The following GRAMD4 variants were observed in gnomAD, a reference collection of about 807,000 sequenced individuals.
GRAMD4 encodes GRAM domain-containing protein 4.
GRAMD4 carries 25 observed loss-of-function variants against 83.9 expected under a neutral mutation model. The observed-to-expected ratio is 0.30, with a 90% CI of 0.22 to 0.42. GRAMD4 has a LOEUF of 0.42. Among genes scored for constraint, GRAMD4 ranks in the 10% least tolerant of loss-of-function variants. The pLI is 1.00. For missense variants in GRAMD4, 593 were observed against 788.7 expected (o/e 0.75, Z 2.97); for synonymous variants, 336 against 320.9 (o/e 1.05, Z -0.50).
intron 1 of GRAMD4, among the ~76,000 whole-genome samples, chr22:46,577,964 C>T (rs1401802001): frequency 6.6e-6 from 1 of 152,200 alleles, no homozygotes; most frequent in Admixed American, 6.5e-5. Flanking sequence ...CTGCCAGGTC[C>T]TGGACAAGGG....
chr22:46,669,946 C>T (rs1356188676), intron 13 of GRAMD4, among the ~76,000 whole-genome samples: 3 of 152,212 alleles, frequency 2.0e-5, no homozygotes, highest in Non-Finnish European at 2.9e-5. Context: ...TAACAACGAT[C>T]CAGTGTCTGA....
intron 1 of GRAMD4, among the ~76,000 whole-genome samples, chr22:46,601,573 G>C (rs1175261345): frequency 6.6e-6 from 1 of 152,110 alleles, no homozygotes; most frequent in African/African-American, 2.4e-5. Context: ...AAGGCGGGGG[G>C]ATTACCTGAG....
chr22:46,589,091 G>T (rs2081180704), intron 1 of GRAMD4, among the ~76,000 whole-genome samples: 1 of 152,060 alleles, frequency 6.6e-6, no homozygotes, highest in African/African-American at 2.4e-5. Context: ...GCAGGGGGCG[G>T]GGGGACCTGG....
Position 46,673,678 on chromosome 22 carries a change from G to A in GRAMD4, c.1248G>A (p.Thr416=), listed in dbSNP as rs761389681. ...SSAAVSRRLQ[T]TSSRSYVPSA... ...CTGTTTGCCGTTGGCAGCTGCAGAC[G>A]ACCTCGTCACGGAGCTACGTACCCA... Residue 416 remains threonine, a synonymous_variant, in exon 15 of 19, where the codon ACG becomes ACA. Transcript: ENST00000406902. The A allele has an allele frequency of 2.1e-5, 34 of 1,611,220 alleles. No individual in the cohort carries two copies. The highest frequency in any genetic ancestry group is 4.0e-5 in the African/African-American group (3 of 75,028).
intron 1 of GRAMD4, among the ~76,000 whole-genome samples, chr22:46,591,592 T>G (rs1239757386): frequency 6.6e-6 from 1 of 151,888 alleles, no homozygotes; most frequent in African/African-American, 2.4e-5. Context: ...CCCAGCACTT[T>G]GGGAGGCTGA....
At chr22:46,667,827 C>A (rs898371227) in intron 10 of GRAMD4, among the ~76,000 whole-genome samples, 2 of 152,244 alleles carry the variant, frequency 1.3e-5, no homozygotes, top group African/African-American at 4.8e-5. Context: ...TGAAGGTGAA[C>A]TGTGAGGCAG....
At chr22:46,582,187 G>A (rs549645477) in intron 1 of GRAMD4, among the ~76,000 whole-genome samples, 56 of 152,302 alleles carry the variant, frequency 3.7e-4, no homozygotes, top group African/African-American at 1.2e-3. Flanking sequence ...GAGGCAGAGC[G>A]TGGGGCTGCT....
intron 2 of GRAMD4, 88 bp from the exon 3 acceptor site, chr22:46,637,752 G>C: frequency 6.9e-7 from 1 of 1,445,744 alleles, no homozygotes; most frequent in African/African-American, 1.4e-5. Flanking sequence ...GCCATCCTGG[G>C]GCCCCTGGGC....
intron 5 of GRAMD4, among the ~76,000 whole-genome samples, chr22:46,662,696 C>T (rs73469193): frequency 0.054 from 8,242 of 152,136 alleles, 433 homozygotes; most frequent in African/African-American, 0.13. Flanking sequence ...TGAGGTGGGC[C>T]GAGCAGCCTG....
At chr22:46,663,712 C>G in intron 6 of GRAMD4, 126 bp from the exon 7 acceptor site, 1 of 908,772 alleles carries the variant, frequency 1.1e-6, no homozygotes, top group Non-Finnish European at 1.8e-6. Flanking sequence ...TCTGTGCACT[C>G]AAGGGGTCCC....
chr22:46,634,167 G>A (rs997489299), intron 2 of GRAMD4, among the ~76,000 whole-genome samples: 3 of 152,224 alleles, frequency 2.0e-5, no homozygotes, highest in Non-Finnish European at 4.4e-5. Flanking sequence ...GGGGAGTGTG[G>A]CAGGTTCCCT....
chr22:46,626,766 T>C lies in GRAMD4; in HGVS notation c.-34T>C, dbSNP rs765752131. On this transcript the variant is annotated 5_prime_UTR_variant, in exon 2 of 19. It removes an upstream start codon present in the reference 5' UTR. Coordinates refer to ENST00000406902, the MANE Select transcript of GRAMD4 (RefSeq NM_015124.5). ...TCTCTTGCAGGGAACCCGAGCGTCA[T>C]GTTAGGGTGAAGCAGAGGACCTCAG... The C allele has an allele frequency of 6.2e-7, 1 of 1,603,998 alleles. No homozygotes were observed. The highest frequency in any genetic ancestry group is 1.1e-5 in the South Asian group (1 of 90,682).
downstream of GRAMD4, chr22:46,682,475 A>C (rs371402809): frequency 1.6e-5 from 16 of 979,822 alleles, no homozygotes; most frequent in East Asian, 1.3e-3. Context: ...GGCCGTGAAG[A>C]AGCTCTCGAA....
intron 1 of GRAMD4, among the ~76,000 whole-genome samples, chr22:46,607,290 C>T (rs191406312): frequency 6.6e-6 from 1 of 152,252 alleles, no homozygotes; most frequent in East Asian, 1.9e-4. Flanking sequence ...CACGTGCATA[C>T]CTATGTAACA....
At chr22:46,676,110 A>G (rs1254807773) in intron 17 of GRAMD4, among the ~76,000 whole-genome samples, 1 of 152,146 alleles carries the variant, frequency 6.6e-6, no homozygotes, top group South Asian at 2.1e-4. Flanking sequence ...CGTCCTGGGC[A>G]TGTCCGCATT....
At position 46,672,277 on chromosome 22, in the gene GRAMD4, A is replaced by G. The variant is rs117323586; in HGVS notation, c.1085-566A>G. 4.4e-3 allele frequency among the ~76,000 whole-genome samples: 669 copies of G among 152,148 alleles called. 4 individuals are homozygous for G. Among genetic ancestry groups the G allele is most frequent in the Non-Finnish European group, 7.2e-3 (487 of 67,992 alleles). ...TGTGTCAGGTGACAGTATCGGGGAG[A>G]AAACGGAGCTGGTGGAGGGGAACTT... is the stretch of plus-strand genomic sequence containing the variant. On this transcript the variant is annotated intron_variant, in intron 13 of 18. Transcript: ENST00000406902. This position sits in a 1 kb window ranked among gnomAD's most constrained non-coding sequence, Gnocchi z 4.7.
At chr22:46,674,570 T>G in intron 15 of GRAMD4, 87 bp from the exon 16 acceptor site, 2 of 937,734 alleles carry the variant, frequency 2.1e-6, no homozygotes, top group Non-Finnish European at 3.5e-6. Context: ...TGTCAGGATC[T>G]GAGAGTCAGG....
At chr22:46,668,607 C>G in intron 11 of GRAMD4, 82 bp from the exon 12 acceptor site, 1 of 1,324,708 alleles carries the variant, frequency 7.5e-7, no homozygotes, top group Admixed American at 1.7e-5. Context: ...GGCTGCCCGA[C>G]CTGGAGGCCC....
chr22:46,656,476 A>C (rs556090622), intron 3 of GRAMD4, among the ~76,000 whole-genome samples: 13 of 152,230 alleles, frequency 8.5e-5, no homozygotes, highest in African/African-American at 2.6e-4. Context: ...ACTCCTGGAC[A>C]TTGGCTGGGA....
Sources: allele counts gnomAD v4.1 joint callset (sites outside exome capture counted in the v4.1 genomes callset), GRCh38; gene constraint gnomAD v4.1.1; non-coding constraint Gnocchi (gnomAD v3.1); transcripts MANE v1.5; gene names NCBI Gene and HGNC (gene_info 2026-07-23, HGNC 2026-07-21).